Variants in RAB2B observed in about 807,000 individuals in gnomAD.
RAB2B encodes RAB2B, member RAS oncogene family.
Under a neutral mutation model 29.8 loss-of-function variants are expected in RAB2B, and 20 were observed. The observed-to-expected ratio is 0.67, with a 90% confidence interval of 0.47 to 0.97. RAB2B has a LOEUF of 0.97. Ranked by LOEUF, RAB2B falls within the 50% of genes least tolerant of loss-of-function variation. RAB2B has a pLI of 0.00. For synonymous variants in RAB2B, 93 were observed against 91.7 expected, an observed-to-expected ratio of 1.01 and a Z score of -0.08; for missense variants, 218 against 272.0, an observed-to-expected ratio of 0.80 and a Z score of 1.40.
intron 5 of RAB2B, among the ~76,000 whole-genome samples, chr14:21,464,433 C>T (rs11628702): frequency 0.37 from 55,594 of 151,932 alleles, 12,708 homozygotes; most frequent in South Asian, 0.59. Flanking sequence ...ACTCTAGTTA[C>T]TAGAAAGCAG....
At position 21,462,407 on chromosome 14, in the gene RAB2B, G is replaced by A. The variant is rs757726083; in HGVS notation, c.486C>T (p.Asn162=). Reference sequence around the variant, plus strand: ...TCTTCCTATATATTTCTTTGGCTGTGTTAATGAAGGCCTGAAAGAGACATA... The same window carrying A: ...TCTTCCTATATATTTCTTTGGCTGTATTAATGAAGGCCTGAAAGAGACATA... The part of the protein sequence containing the change: ...TACNVEEAFI[N]TAKEIYRKIQ... The change falls in exon 7 of 8, where the codon AAC becomes AAT. Residue 162 remains asparagine (N), a synonymous_variant. Transcript: ENST00000397762. 14 of 1,613,120 alleles carry A rather than the reference G, an allele frequency of 8.7e-6. No individual in the cohort carries two copies. In the South Asian group the frequency reaches 1.4e-4, roughly 16 times the overall value.
chr14:21,474,998 G>A, intron 2 of RAB2B, 64 bp from the exon 3 acceptor site: 1 of 1,339,668 alleles, frequency 7.5e-7, no homozygotes, highest in South Asian at 1.2e-5. Context: ...GGAGTGGGAG[G>A]TTCCTGCCTT....
At chr14:21,467,872 C>A (rs1286544281) in intron 5 of RAB2B, among the ~76,000 whole-genome samples, 1 of 152,164 alleles carries the variant, frequency 6.6e-6, no homozygotes, top group African/African-American at 2.4e-5. Context: ...TATTACTCAT[C>A]TTTAAAAAGG....
intron 3 of RAB2B, among the ~76,000 whole-genome samples, chr14:21,472,265 C>A (rs559954789): frequency 1.3e-5 from 2 of 152,178 alleles, no homozygotes; most frequent in Non-Finnish European, 2.9e-5. Flanking sequence ...CGTGTATACA[C>A]ACACACACAC....
chr14:21,462,442 A>C (rs1890581119), intron 6 of RAB2B, 24 bp from the exon 7 acceptor site: 2 of 1,577,634 alleles, frequency 1.3e-6, no homozygotes, highest in African/African-American at 1.4e-5. Flanking sequence ...AAATCGTATC[A>C]TCAGTCTCAA....
chr14:21,462,836 T>TAAA (rs1182397229), intron 6 of RAB2B, among the ~76,000 whole-genome samples: 1 of 87,080 alleles, frequency 1.1e-5, no homozygotes, highest in African/African-American at 4.2e-5. Context: ...AGACTCAGTC[T>TAAA]AAAAAAAAAA....
Position 21,460,266 on chromosome 14 carries a change from TG to T in RAB2B, c.*929del. ...GAATGTCTTTGACCCTAATTCTTAG[TG>T]GGAAGTGGATTGTATATGCTTACGA... is the stretch of plus-strand genomic sequence containing the variant. On this transcript the variant is annotated 3_prime_UTR_variant, in exon 8 of 8. Coordinates refer to ENST00000397762, the MANE Select transcript of RAB2B (RefSeq NM_032846.4). 1 of 518,784 alleles carries T rather than the reference TG, an allele frequency of 1.9e-6. No individual in the cohort carries two copies. Among genetic ancestry groups the T allele is most frequent in the Non-Finnish European group, 3.8e-6 (1 of 259,820 alleles). 32.1% of individuals were successfully genotyped at this position (518,784 alleles called of 1,614,324 possible). A position where few individuals can be genotyped will look rare whatever the true frequency, so the allele number is the denominator to read the frequency against.
At chr14:21,474,443 TAA>T (rs1890897574) in intron 3 of RAB2B, 1 of 173,290 alleles carries the variant, frequency 5.8e-6, no homozygotes, top group Non-Finnish European at 1.2e-5. Context: ...TAAACACTAA[TAA>T]AAACAAAACT....
Position 21,475,815 on chromosome 14 carries a change from T to C in RAB2B, c.118+713A>G, listed in dbSNP as rs1180323536. On this transcript the variant is annotated intron_variant, in intron 2 of 7. Coordinates refer to ENST00000397762, the MANE Select transcript of RAB2B (RefSeq NM_032846.4). ...CGTTAGGAACAGTGGTAGCTTCAGG[T>C]TTCCATACAGGTGGGACTTGGAAGT... Among the ~76,000 whole-genome samples, 5 of 152,362 alleles carry C rather than the reference T, an allele frequency of 3.3e-5. No individual in the cohort carries two copies. In the South Asian group the frequency reaches 1.0e-3, roughly 32 times the overall value.
intron 3 of RAB2B, among the ~76,000 whole-genome samples, chr14:21,470,662 G>A (rs902475424): frequency 4.6e-5 from 7 of 151,996 alleles, no homozygotes; most frequent in African/African-American, 1.5e-4. Flanking sequence ...CGTTATTTGG[G>A]TCTTGTTTTC....
chr14:21,470,037 C>T (rs768201718), intron 3 of RAB2B, among the ~76,000 whole-genome samples: 6 of 151,098 alleles, frequency 4.0e-5, no homozygotes, highest in African/African-American at 7.3e-5. Flanking sequence ...CTGCAACCTC[C>T]GCCTCCCAGG....
intron 3 of RAB2B, among the ~76,000 whole-genome samples, chr14:21,473,362 G>C (rs1048731717): frequency 6.6e-6 from 1 of 152,120 alleles, no homozygotes; most frequent in African/African-American, 2.4e-5. Context: ...CTAGAATGGA[G>C]ACTAAGGTAT....
Position 21,461,257 on chromosome 14 carries a change from A to G in RAB2B, c.590T>C (p.Val197Ala). ...IGPQQSISTS[V>A]GPSASQRNSR... ...GTTCCGCTGGGAGGCACTGGGTCCC[A>G]CTGATGTTGAAATTGACTGTTGGGG... The change falls in exon 8 of 8, where the codon GTG becomes GCG. Residue 197 changes from valine (V) to alanine (A), a missense_variant. Transcript: ENST00000397762. The G allele has an allele frequency of 6.2e-7, 1 of 1,613,946 alleles. No homozygotes were observed. The highest frequency in any genetic ancestry group is 1.1e-5 in the South Asian group (1 of 91,040).
chr14:21,476,823 T>G lies in RAB2B; in HGVS notation c.46+4A>C. 1 of 1,604,422 alleles carries G rather than the reference T, an allele frequency of 6.2e-7. No individual in the cohort carries two copies. The highest frequency in any genetic ancestry group is 8.5e-7 in the Non-Finnish European group (1 of 1,177,664). On this transcript the variant is annotated splice_donor_region_variant and intron_variant, in intron 1 of 7. Coordinates refer to ENST00000397762, the MANE Select transcript of RAB2B (RefSeq NM_032846.4). ...GCCTTGAAGGCGAACCACCTGAGGG[T>G]TACCTGTGTCTCCGATGATGATATA...
At chr14:21,472,096 C>T (rs1890831707) in intron 3 of RAB2B, among the ~76,000 whole-genome samples, 1 of 152,026 alleles carries the variant, frequency 6.6e-6, no homozygotes, top group Admixed American at 6.6e-5. Flanking sequence ...ACACCATTTT[C>T]CTAAGAATCA....
At chr14:21,468,820 C>T in intron 3 of RAB2B, 68 bp from the exon 4 acceptor site, 1 of 966,550 alleles carries the variant, frequency 1.0e-6, no homozygotes, top group Non-Finnish European at 1.5e-6. Flanking sequence ...CCGACTTGAT[C>T]ACATGCCACC....
intron 1 of RAB2B, 97 bp from the exon 2 acceptor site, chr14:21,476,696 C>A: frequency 6.3e-7 from 1 of 1,595,708 alleles, no homozygotes; most frequent in Non-Finnish European, 8.6e-7. Flanking sequence ...CCGAGCCCCG[C>A]CCCCGGCCGC....
chr14:21,475,430 CTTT>C (rs11408746), intron 2 of RAB2B, among the ~76,000 whole-genome samples: 5 of 129,516 alleles, frequency 3.9e-5, no homozygotes, highest in African/African-American at 5.9e-5. Context: ...AGAAACAATA[CTTT>C]TTTTTTTTTT....
chr14:21,462,267 A>C, intron 7 of RAB2B, 83 bp downstream of exon 7: 1 of 1,116,462 alleles, frequency 9.0e-7, no homozygotes, highest in Non-Finnish European at 1.3e-6. Context: ...TAGATGGGGA[A>C]TGTAAGCATT....
Sources: gnomAD v4.1 joint callset for allele counts (sites outside exome capture counted in the v4.1 genomes callset) on GRCh38, gnomAD v4.1.1 for gene constraint, MANE v1.5 for transcripts, NCBI Gene and HGNC (gene_info 2026-07-23, HGNC 2026-07-21) for gene names.